The following KCMF1 variants were observed in gnomAD, a reference collection of about 807,000 sequenced individuals.
KCMF1 encodes E3 ubiquitin-protein ligase KCMF1.
KCMF1 carries 3 observed loss-of-function variants against 41.1 expected under a neutral mutation model. The ratio of observed to expected loss-of-function variants is 0.07; its 90% CI spans 0.03 to 0.19. The LOEUF (loss-of-function observed/expected upper bound fraction) is 0.19, where lower values mean the gene tolerates loss of function less well. KCMF1 is among the 10% of genes least tolerant of loss of function. The pLI is 1.00. For missense variants in KCMF1, 286 were observed against 488.9 expected, an observed-to-expected ratio of 0.58 and a Z score of 3.91; for synonymous variants, 142 against 164.5, an observed-to-expected ratio of 0.86 and a Z score of 1.04.
At chr2:85,041,391 CGT>C (rs1675530892) in intron 3 of KCMF1, among the ~76,000 whole-genome samples, 3 of 152,222 alleles carry the variant, frequency 2.0e-5, no homozygotes, top group African/African-American at 7.2e-5. Flanking sequence ...ATTCTTTGTA[CGT>C]TTGATGTCTC....
At chr2:84,993,818 C>T (rs112994971) in intron 1 of KCMF1, among the ~76,000 whole-genome samples, 3,680 of 152,092 alleles carry the variant, frequency 0.024, 149 homozygotes, top group African/African-American at 0.083. Flanking sequence ...TCAAGTGACC[C>T]GCCCACCTTG....
At chr2:85,013,908 C>G (rs1574024755) in intron 1 of KCMF1, 1 of 152,042 alleles carries the variant, frequency 6.6e-6, no homozygotes, top group Non-Finnish European at 1.5e-5. Flanking sequence ...TGACATTATT[C>G]TCTTAACATG....
In KCMF1 at chr2:85,049,529, C is replaced by T. The variant is rs996370837; in HGVS notation, c.765C>T (p.Thr255=). The T allele has an allele frequency of 6.2e-7, 1 of 1,614,000 alleles. No homozygotes were observed. The highest frequency in any genetic ancestry group is 1.7e-5 in the Admixed American group (1 of 60,016). ...RQQLETARNA[T]RRTNTSSVTT... is the part of the protein sequence containing the mutation. Reference sequence around the variant, plus strand: ...AACTGGAGACCGCACGCAACGCAACCCGGCGTACTAACACAAGCAGTGTCA... The same window carrying T: ...AACTGGAGACCGCACGCAACGCAACTCGGCGTACTAACACAAGCAGTGTCA... Residue 255 remains threonine, a synonymous_variant, in exon 6 of 7, where the codon ACC becomes ACT. Transcript: ENST00000409785.
intron 1 of KCMF1, among the ~76,000 whole-genome samples, chr2:84,992,050 A>C (rs950769969): frequency 1.3e-5 from 2 of 152,224 alleles, no homozygotes; most frequent in Non-Finnish European, 2.9e-5. Flanking sequence ...TAGTGAAGTT[A>C]GGAATGGAAC....
At chr2:84,976,430 T>C (rs2103959856) in intron 1 of KCMF1, among the ~76,000 whole-genome samples, 1 of 152,126 alleles carries the variant, frequency 6.6e-6, no homozygotes, top group South Asian at 2.1e-4. Context: ...GGTCTCGAAC[T>C]CCTGACCGCA....
At chr2:85,005,296 A>ATT (rs567699626) in intron 1 of KCMF1, among the ~76,000 whole-genome samples, 1 of 146,566 alleles carries the variant, frequency 6.8e-6, no homozygotes, top group Non-Finnish European at 1.5e-5. Flanking sequence ...TTATTTATTT[A>ATT]TTTTTTTTTT....
intron 1 of KCMF1, among the ~76,000 whole-genome samples, chr2:85,019,844 A>G (rs766198507): frequency 6.6e-6 from 1 of 151,452 alleles, no homozygotes; most frequent in African/African-American, 2.4e-5. Flanking sequence ...GTATATATGT[A>G]TCTGTATTTG....
intron 1 of KCMF1, among the ~76,000 whole-genome samples, chr2:85,002,665 G>C (rs1179812864): frequency 6.6e-6 from 1 of 151,612 alleles, no homozygotes; most frequent in African/African-American, 2.4e-5. Flanking sequence ...CAGGATACCA[G>C]GTTGCATTTA....
At chr2:85,017,459 G>GA (rs1444294516) in intron 1 of KCMF1, among the ~76,000 whole-genome samples, 1 of 152,102 alleles carries the variant, frequency 6.6e-6, no homozygotes, top group African/African-American at 2.4e-5. Context: ...TAGCCTATAT[G>GA]ATACACACCG....
chr2:85,013,140 T>TATCCCA, intron 1 of KCMF1, among the ~76,000 whole-genome samples: 1 of 152,330 alleles, frequency 6.6e-6, no homozygotes, highest in South Asian at 2.1e-4. Context: ...TCTCTATCCC[T>TATCCCA]TAGTCTTCAT....
At chr2:84,980,454 A>T (rs180800425) in intron 1 of KCMF1, among the ~76,000 whole-genome samples, 2 of 152,256 alleles carry the variant, frequency 1.3e-5, no homozygotes, top group African/African-American at 4.8e-5. Flanking sequence ...TGAACAAGAG[A>T]TGAATGAATT....
At chr2:85,018,795 ATTTTTTTTTT>A (rs34627507) in intron 1 of KCMF1, among the ~76,000 whole-genome samples, 2 of 73,684 alleles carry the variant, frequency 2.7e-5, no homozygotes, top group South Asian at 5.4e-4. Context: ...CAGAACTTTG[ATTTTTTTTTT>A]TTTTTTTTTT....
chr2:85,028,564 G>C (rs1456274408), intron 2 of KCMF1, among the ~76,000 whole-genome samples: 1 of 123,222 alleles, frequency 8.1e-6, no homozygotes, highest in Non-Finnish European at 1.6e-5. Flanking sequence ...ATCTCAGCTC[G>C]CTGCAACCTC....
At chr2:85,043,741 G>A in intron 4 of KCMF1, 76 bp downstream of exon 4, 3 of 1,016,094 alleles carry the variant, frequency 3.0e-6, no homozygotes, top group South Asian at 2.7e-5. Context: ...TTGGAGACAA[G>A]ATCTCGCTGT....
intron 3 of KCMF1, among the ~76,000 whole-genome samples, chr2:85,040,814 G>T (rs559806580): frequency 6.6e-6 from 1 of 150,430 alleles, no homozygotes; most frequent in South Asian, 2.1e-4. Context: ...AGGCTGGAGT[G>T]CAGTGGTGCG....
rs148006042 is a variant in KCMF1 at position 84,993,548 on chromosome 2, ATTATTTATTTAT to A, written c.16+22112_16+22123del. ...ATTTTTTGGTCAATTCTCTACCCCC[ATTATTTATTTAT>A]TTATTTATTTATTTATTTATTTATT... On this transcript the variant is annotated intron_variant, in intron 1 of 6. Transcript: ENST00000409785. 1.0e-3 allele frequency among the ~76,000 whole-genome samples: 147 copies of A among 146,018 alleles called. 1 individual carries two copies. The highest frequency in any genetic ancestry group is 5.7e-3 in the East Asian group (28 of 4,874).
In KCMF1 at chr2:85,046,176, C is replaced by T. The variant is rs905514842; in HGVS notation, c.499C>T (p.Arg167Cys). The change falls in exon 5 of 7, where the codon CGT becomes TGT. Residue 167 changes from arginine to cysteine, a missense_variant. Physicochemically the swap from Arg to Cys is radical, Grantham distance 180 (BLOSUM62 -3). Transcript: ENST00000409785. ...CCGGGGATTAGGAGGTCCTCGTGCT[C>T]GTAGATCAAACATGCACTTTACTAG... ...PGRGLGGPRARRSNMHFTSSS... is the reference protein window; with the variant it reads ...PGRGLGGPRACRSNMHFTSSS... 3 of 1,613,258 alleles carry T rather than the reference C, an allele frequency of 1.9e-6. No individual in the cohort carries two copies. Among genetic ancestry groups the T allele is most frequent in the Non-Finnish European group, 1.7e-6 (2 of 1,179,498 alleles).
At chr2:84,983,384 G>A (rs896873142) in intron 1 of KCMF1, among the ~76,000 whole-genome samples, 2 of 151,440 alleles carry the variant, frequency 1.3e-5, no homozygotes, top group Admixed American at 6.6e-5. Context: ...TGGAGTGTGG[G>A]GGTGTGATCG....
intron 1 of KCMF1, among the ~76,000 whole-genome samples, chr2:85,027,107 T>C (rs934583313): frequency 1.3e-5 from 2 of 152,170 alleles, no homozygotes; most frequent in African/African-American, 4.8e-5. Flanking sequence ...GGGCTTTCAC[T>C]GGGGTAATTT....
Sources: gnomAD v4.1 joint callset for allele counts (sites outside exome capture counted in the v4.1 genomes callset) on GRCh38, gnomAD v4.1.1 for gene constraint, MANE v1.5 for transcripts, NCBI Gene and HGNC (gene_info 2026-07-23, HGNC 2026-07-21) for gene names.